The following MRC1 variants were observed in gnomAD, a reference collection of about 807,000 sequenced individuals.
The protein encoded by MRC1 is macrophage mannose receptor 1.
In MRC1, 62 loss-of-function variants were observed where a neutral mutation model predicts 102.9. The observed-to-expected ratio is 0.60, with a 90% CI of 0.49 to 0.74. MRC1 has a LOEUF of 0.74. Among genes scored for constraint, MRC1 ranks in the 30% least tolerant of loss-of-function variants. The pLI, the probability that MRC1 is intolerant of heterozygous loss-of-function variation, is 0.00. For missense variants in MRC1, 1,237 were observed against 862.8 expected, an observed-to-expected ratio of 1.43 and a Z score of -5.43; for synonymous variants, 457 against 298.4, an observed-to-expected ratio of 1.53 and a Z score of -5.48.
At chr10:17,909,639 GT>G (rs1833942924) in intron 29 of MRC1, among the ~76,000 whole-genome samples, 1 of 150,474 alleles carries the variant, frequency 6.6e-6, no homozygotes, top group South Asian at 2.1e-4. Flanking sequence ...ATCTCTGTGG[GT>G]TTTTTTCTTT....
intron 1 of MRC1, among the ~76,000 whole-genome samples, chr10:17,821,374 C>A (rs558303709): frequency 6.6e-6 from 1 of 152,116 alleles, no homozygotes; most frequent in Non-Finnish European, 1.5e-5. Context: ...TTTTTGCATT[C>A]TAAGGCAATA....
intron 4 of MRC1, among the ~76,000 whole-genome samples, chr10:17,836,858 AT>A (rs1277603350): frequency 4.0e-5 from 6 of 151,560 alleles, no homozygotes; most frequent in South Asian, 2.1e-4. Flanking sequence ...ATAAATAAAA[AT>A]TTAAAAAAAA....
chr10:17,839,907 A>AC (rs1838724506), intron 4 of MRC1, among the ~76,000 whole-genome samples: 1 of 151,450 alleles, frequency 6.6e-6, no homozygotes, highest in Non-Finnish European at 1.5e-5. Flanking sequence ...AAAAATACAA[A>AC]AAAAAAAAAT....
chr10:17,810,521 G>A (rs1052890380), intron 1 of MRC1, among the ~76,000 whole-genome samples: 9,812 of 152,142 alleles, frequency 0.064, 912 homozygotes, highest in African/African-American at 0.21. Flanking sequence ...AAGTGAAGGC[G>A]GTATGGTTTA....
At chr10:17,906,298 CTTT>C (rs1184231740) in intron 26 of MRC1, among the ~76,000 whole-genome samples, 14 of 136,238 alleles carry the variant, frequency 1.0e-4, no homozygotes, top group African/African-American at 8.1e-5. Flanking sequence ...TAACCCATGT[CTTT>C]TTTTTTTTTT....
intron 1 of MRC1, among the ~76,000 whole-genome samples, chr10:17,816,442 G>A (rs1208915587): frequency 3.3e-5 from 5 of 152,168 alleles, no homozygotes; most frequent in South Asian, 2.1e-4. Context: ...GGGCGACGGT[G>A]TGGAATGGTT....
At chr10:17,812,567 CTTTTTTTTT>C (rs879229292) in intron 1 of MRC1, among the ~76,000 whole-genome samples, 3 of 79,906 alleles carry the variant, frequency 3.8e-5, no homozygotes, top group East Asian at 7.4e-4. Flanking sequence ...CAACAGTAGG[CTTTTTTTTT>C]TTTTTTTTTT....
intron 23 of MRC1, 35 bp from the exon 24 acceptor site, chr10:17,897,999 T>C: frequency 7.7e-6 from 6 of 780,810 alleles, no homozygotes; most frequent in South Asian, 6.7e-5. Flanking sequence ...TTACTGTTTA[T>C]TGATAATGCT....
At position 17,885,241 on chromosome 10, in the gene MRC1, A is replaced by G. The variant is rs1210900941; in HGVS notation, c.2981-28A>G. ...TTTTGAGTATTAACTCTCAAAGTTT[A>G]AAATTATATCATGAAATTTTCTTTC... On this transcript the variant is annotated intron_variant, in intron 21 of 29. Transcript: ENST00000569591. The G allele has an allele frequency of 6.4e-6, 5 of 780,566 alleles. No homozygotes were observed. The African/African-American group carries it at 8.5e-5, about 13-fold the overall frequency. 48.4% of individuals were successfully genotyped at this position (780,566 alleles called of 1,614,324 possible).
intron 28 of MRC1, 130 bp from the exon 29 acceptor site, chr10:17,909,176 A>G (rs1833935878): frequency 2.9e-6 from 2 of 679,868 alleles, no homozygotes; most frequent in East Asian, 2.7e-5. Context: ...TATCTATCAT[A>G]TCATAATATC....
At chr10:17,860,911 G>C (rs1421218898) in intron 9 of MRC1, among the ~76,000 whole-genome samples, 2 of 152,144 alleles carry the variant, frequency 1.3e-5, no homozygotes, top group African/African-American at 2.4e-5. Flanking sequence ...TCTTTTATTC[G>C]TTTATGTGTA....
intron 16 of MRC1, among the ~76,000 whole-genome samples, chr10:17,874,309 C>G (rs1833396003): frequency 6.6e-6 from 1 of 152,166 alleles, no homozygotes; most frequent in Non-Finnish European, 1.5e-5. Flanking sequence ...CTCATCAGCT[C>G]ATGACCCATT....
At chr10:17,872,920 C>G (rs1475391892) in intron 15 of MRC1, among the ~76,000 whole-genome samples, 1 of 152,202 alleles carries the variant, frequency 6.6e-6, no homozygotes, top group Non-Finnish European at 1.5e-5. Flanking sequence ...GCAACCATTT[C>G]AACTCTATGG....
intron 17 of MRC1, among the ~76,000 whole-genome samples, chr10:17,877,285 ATACT>A (rs1240934411): frequency 2.0e-4 from 29 of 148,040 alleles, no homozygotes; most frequent in Non-Finnish European, 3.4e-4. Flanking sequence ...TATAAAATAA[ATACT>A]TAAATAACAT....
At chr10:17,887,044 C>T (rs1013777538) in intron 22 of MRC1, among the ~76,000 whole-genome samples, 12 of 152,058 alleles carry the variant, frequency 7.9e-5, no homozygotes, top group African/African-American at 1.9e-4. Context: ...AGCTATTTGC[C>T]GGGTGAATAC....
At chr10:17,867,159 GTTCC>G (rs781821241) in intron 12 of MRC1, among the ~76,000 whole-genome samples, 8,305 of 125,846 alleles carry the variant, frequency 0.066, 295 homozygotes, top group Middle Eastern at 0.12. Flanking sequence ...CCCTTCCTCT[GTTCC>G]TTCCTTCCTC....
intron 2 of MRC1, among the ~76,000 whole-genome samples, chr10:17,823,706 C>T (rs1457304024): frequency 6.6e-6 from 1 of 152,180 alleles, no homozygotes; most frequent in Admixed American, 6.5e-5. Flanking sequence ...AATGGGAAGA[C>T]ATTCTTTTAA....
At chr10:17,891,476 T>C (rs1833675415) in intron 22 of MRC1, among the ~76,000 whole-genome samples, 1 of 152,152 alleles carries the variant, frequency 6.6e-6, no homozygotes. Context: ...CTCATTATTT[T>C]ATTACATATT....
At chr10:17,889,042 C>A (rs1833638904) in intron 22 of MRC1, among the ~76,000 whole-genome samples, 1 of 152,132 alleles carries the variant, frequency 6.6e-6, no homozygotes. Context: ...TGGTAACTTT[C>A]CTTGCCCTAT....
Sources: allele counts gnomAD v4.1 joint callset (sites outside exome capture counted in the v4.1 genomes callset), GRCh38; gene constraint gnomAD v4.1.1; transcripts MANE v1.5; gene names NCBI Gene and HGNC (gene_info 2026-07-23, HGNC 2026-07-21).